PCDHGB1: variants seen among roughly 807,000 people sequenced by gnomAD.
PCDHGB1 encodes protocadherin gamma-B1.
Under a neutral mutation model 56.6 loss-of-function variants are expected in PCDHGB1, and 34 were observed. That is an observed-to-expected ratio of 0.60 (90% CI 0.46 to 0.80). The LOEUF (loss-of-function observed/expected upper bound fraction) is 0.80. PCDHGB1 is among the 30% of genes least tolerant of loss of function. The pLI is 0.00. For synonymous variants in PCDHGB1, 561 were observed against 505.9 expected, an observed-to-expected ratio of 1.11 and a Z score of -1.46; for missense variants, 1,278 against 1,204.6, an observed-to-expected ratio of 1.06 and a Z score of -0.90.
intron 1 of PCDHGB1, chr5:141,384,267 C>T (rs1170671342): frequency 6.2e-7 from 1 of 1,613,862 alleles, no homozygotes; most frequent in East Asian, 2.2e-5. Context: ...CCCACTCATC[C>T]TACTCAGTCT....
Position 141,431,041 on chromosome 5 carries a change from G to C in PCDHGB1, c.2410-63766G>C, listed in dbSNP as rs2097339173. On this transcript the variant is annotated intron_variant, in intron 1 of 3. Coordinates refer to ENST00000523390, the MANE Select transcript of PCDHGB1 (RefSeq NM_018922.3). The surrounding 1 kb of genome is among the most constrained non-coding windows in gnomAD (Gnocchi z 4.8). ...CGGCGGGCAGGATAGACCGGGAGGA[G>C]CTCTGTATGGGGGCCATCAAGTGTC... The C allele has an allele frequency of 6.2e-7, 1 of 1,614,116 alleles. No homozygotes were observed. Among genetic ancestry groups the C allele is most frequent in the Non-Finnish European group, 8.5e-7 (1 of 1,180,046 alleles).
At chr5:141,440,779 GC>G (rs2154559027) in intron 1 of PCDHGB1, 1 of 152,294 alleles carries the variant, frequency 6.6e-6, no homozygotes, top group Admixed American at 6.5e-5. Flanking sequence ...AGTGCTAGCA[GC>G]CTTAGACGGC....
intron 1 of PCDHGB1, chr5:141,370,765 A>G: frequency 1.2e-6 from 2 of 1,614,018 alleles, no homozygotes; most frequent in South Asian, 1.1e-5. Flanking sequence ...GTGCTGATCC[A>G]GGATATTAAC....
Position 141,456,470 on chromosome 5 carries a change from A to G in PCDHGB1, c.2410-38337A>G, listed in dbSNP as rs573210902. Among the ~76,000 whole-genome samples, 4 of 152,272 alleles carry G rather than the reference A, an allele frequency of 2.6e-5. No homozygotes were observed. In the East Asian group the frequency reaches 7.7e-4, roughly 29 times the overall value. On this transcript the variant is annotated intron_variant, in intron 1 of 3. Coordinates refer to ENST00000523390, the MANE Select transcript of PCDHGB1 (RefSeq NM_018922.3). ...GTCCAAATATCAATACAAGACATAT[A>G]AGCAAGAGAGTGCTTAATAAAGGGG...
chr5:141,352,469 C>T lies in PCDHGB1; in HGVS notation c.2209C>T (p.Pro737Ser), dbSNP rs1561503431. 5.6e-6 allele frequency: 9 copies of T among 1,614,014 alleles called. No homozygotes were observed. Among genetic ancestry groups the T allele is most frequent in the Non-Finnish European group, 7.6e-6 (9 of 1,179,898 alleles). The change falls in exon 1 of 4, where the codon CCC (proline) becomes TCC (serine). Residue 737 changes from proline to serine, a missense_variant. Transcript: ENST00000523390. ...LCSKSGPGVP[P>S]NHSEGTLPYS... ...CTCCAAGTCTGGGCCCGGGGTTCCT[C>T]CCAACCACAGCGAGGGGACTTTGCC...
intron 1 of PCDHGB1, chr5:141,423,100 G>C (rs2096709499): frequency 6.2e-7 from 1 of 1,613,944 alleles, no homozygotes; most frequent in Non-Finnish European, 8.5e-7. Context: ...GGAGCACACG[G>C]GCGAGGTGCG....
Position 141,351,754 on chromosome 5 carries a change from G to A in PCDHGB1, c.1494G>A (p.Leu498=). 2 of 1,613,608 alleles carry A rather than the reference G, an allele frequency of 1.2e-6. No homozygotes were observed. The highest frequency in any genetic ancestry group is 1.7e-6 in the Non-Finnish European group (2 of 1,179,900). Residue 498 remains leucine, a synonymous_variant, in exon 1 of 4, where the codon TTG becomes TTA. Transcript: ENST00000523390. ...LASDLEPREL[L]SYVSVSPQSG... is the part of the protein sequence containing the mutation. ...GTGACCTGGAGCCGCGGGAGCTGTT[G>A]TCCTACGTGTCCGTGAGCCCGCAGA...
chr5:141,474,608 T>C (rs1469173973), intron 1 of PCDHGB1, among the ~76,000 whole-genome samples: 1 of 152,268 alleles, frequency 6.6e-6, no homozygotes, highest in Non-Finnish European at 1.5e-5. Flanking sequence ...AGGTCACATA[T>C]GGCTTTTCAT....
chr5:141,454,892 C>T (rs1389056318), intron 1 of PCDHGB1, among the ~76,000 whole-genome samples: 4 of 146,994 alleles, frequency 2.7e-5, no homozygotes, highest in Non-Finnish European at 5.9e-5. Context: ...ACTGCTAGCA[C>T]CGCCTCCCGG....
intron 1 of PCDHGB1, chr5:141,413,154 A>G: frequency 6.3e-7 from 1 of 1,576,026 alleles, no homozygotes; most frequent in Middle Eastern, 1.7e-4. Context: ...AGGACTTTGC[A>G]GAATTCTGTA....
At chr5:141,359,679 A>G (rs906167811) in intron 1 of PCDHGB1, among the ~76,000 whole-genome samples, 1 of 152,104 alleles carries the variant, frequency 6.6e-6, no homozygotes. Context: ...GTTGCCCTAT[A>G]CAAGACATAT....
Position 141,431,278 on chromosome 5 carries a change from C to A in PCDHGB1, c.2410-63529C>A, listed in dbSNP as rs755533628. On this transcript the variant is annotated intron_variant, in intron 1 of 3. Transcript: ENST00000523390. The surrounding 1 kb of genome is among the most constrained non-coding windows in gnomAD (Gnocchi z 4.8). ...ACTCTCTGCAGAGCTACGAGCTCAG[C>A]CCGAACACTCACTTCTCCCTCATCG... 6.2e-7 allele frequency: 1 copy of A among 1,614,170 alleles called. No individual in the cohort carries two copies. The highest frequency in any genetic ancestry group is 8.5e-7 in the Non-Finnish European group (1 of 1,180,038).
intron 1 of PCDHGB1, chr5:141,360,810 G>A: frequency 6.2e-7 from 1 of 1,613,878 alleles, no homozygotes; most frequent in East Asian, 2.2e-5. Context: ...AAAGTGGCAC[G>A]ACCCAAATCC....
intron 1 of PCDHGB1, chr5:141,395,542 T>G (rs1357533541): frequency 1.8e-5 from 3 of 170,278 alleles, no homozygotes; most frequent in South Asian, 8.8e-5. Context: ...TTGCTATTGT[T>G]TGTGTGTGTG....
rs80129508 is a variant in PCDHGB1 at position 141,369,299 on chromosome 5, C to T, written c.2409+16630C>T. Among the ~76,000 whole-genome samples the T allele has an allele frequency of 3.7e-4, 56 of 152,230 alleles. No homozygotes were observed. In the East Asian group the frequency reaches 0.011, roughly 29 times the overall value. On this transcript the variant is annotated intron_variant, in intron 1 of 3. Coordinates refer to ENST00000523390, the MANE Select transcript of PCDHGB1 (RefSeq NM_018922.3). ...TCACTCCCCAATCCTAATAACGCAT[C>T]ATTGTTAGGCTACTTGAGAAGAAAC...
rs774758135 is a variant in PCDHGB1, at chr5:141,352,385, C to T, written c.2125C>T (p.Leu709=). 1.2e-6 allele frequency: 2 copies of T among 1,614,052 alleles called. No homozygotes were observed. Among genetic ancestry groups the T allele is most frequent in the South Asian group, 1.1e-5 (1 of 91,090 alleles). The change falls in exon 1 of 4, where the codon CTG becomes TTG. Residue 709 remains leucine (L), a synonymous_variant. Coordinates refer to ENST00000523390, the MANE Select transcript of PCDHGB1 (RefSeq NM_018922.3). ...FLLAVILAIA[L]RLRRSSSLDT... Reference sequence around the variant, plus strand: ...CCTCGCGGTGATTCTAGCGATCGCCCTGCGCCTGCGACGTTCCTCCAGCCT... The same window carrying T: ...CCTCGCGGTGATTCTAGCGATCGCCTTGCGCCTGCGACGTTCCTCCAGCCT...
At position 141,491,093 on chromosome 5, in the gene PCDHGB1, T is replaced by G; in HGVS notation, c.2410-3714T>G. The G allele has an allele frequency of 6.2e-7, 1 of 1,614,160 alleles. No individual in the cohort carries two copies. The highest frequency in any genetic ancestry group is 8.5e-7 in the Non-Finnish European group (1 of 1,180,008). On this transcript the variant is annotated intron_variant, in intron 1 of 3. Transcript: ENST00000523390. This position sits in a 1 kb window ranked among gnomAD's most constrained non-coding sequence, Gnocchi z 6.9. ...TTGCCACAGTCCACAGCCCCAGGAC[T>G]GTTCCTCGTGTCTACACACACTGGT... is the stretch of plus-strand genomic sequence containing the variant.
intron 1 of PCDHGB1, chr5:141,422,668 G>A: frequency 6.2e-7 from 1 of 1,607,686 alleles, no homozygotes; most frequent in Non-Finnish European, 8.5e-7. Context: ...CCTCGACCCG[G>A]ACAGCAAACA....
chr5:141,491,409 G>C lies in PCDHGB1; in HGVS notation c.2410-3398G>C, dbSNP rs2099711927. 6.2e-7 allele frequency: 1 copy of C among 1,614,000 alleles called. No homozygotes were observed. Among genetic ancestry groups the C allele is most frequent in the Non-Finnish European group, 8.5e-7 (1 of 1,180,022 alleles). The stretch of plus-strand genomic sequence containing the variant: ...AGTGCCTTCAGGGAAACGCAGACGG[G>C]GACGGGGGTGGAGGGCAGTGCTGCA... On this transcript the variant is annotated intron_variant, in intron 1 of 3. Coordinates refer to ENST00000523390, the MANE Select transcript of PCDHGB1 (RefSeq NM_018922.3). This position sits in a 1 kb window ranked among gnomAD's most constrained non-coding sequence, Gnocchi z 6.9.
Sources: gnomAD v4.1 joint callset for allele counts (sites outside exome capture counted in the v4.1 genomes callset) on GRCh38, gnomAD v4.1.1 for gene constraint, Gnocchi (gnomAD v3.1) non-coding constraint, MANE v1.5 for transcripts, NCBI Gene and HGNC (gene_info 2026-07-23, HGNC 2026-07-21) for gene names.